ZNF556: variants seen among roughly 807,000 people sequenced by gnomAD.
The protein encoded by ZNF556 is zinc finger protein 556.
Under a neutral mutation model 13.6 loss-of-function variants are expected in ZNF556, and 11 were observed. The ratio of observed to expected loss-of-function variants is 0.81; its 90% confidence interval spans 0.51 to 1.33. ZNF556 has a LOEUF of 1.33. Ranked by LOEUF, ZNF556 falls within the 40% of genes most tolerant of loss-of-function variation. The probability of loss-of-function intolerance (pLI) is 0.00; values close to 1 mark genes in which losing one functional copy is unlikely to be tolerated. For missense variants in ZNF556, 633 were observed against 566.2 expected, an observed-to-expected ratio of 1.12 and a Z score of -1.20; for synonymous variants, 229 against 207.8, an observed-to-expected ratio of 1.10 and a Z score of -0.88.
chr19:2,878,999 AG>A lies in ZNF556; in HGVS notation c.*671del, dbSNP rs2087884865. ...TTTTGTTACTCCGTGTGAGGCCATT[AG>A]ACCAATGAAATATGGGTGTTTGTTG... On this transcript the variant is annotated 3_prime_UTR_variant, in exon 4 of 4. Coordinates refer to ENST00000307635, the MANE Select transcript of ZNF556 (RefSeq NM_024967.3). The A allele has an allele frequency of 6.6e-6, 1 of 152,200 alleles. No individual in the cohort carries two copies. Among genetic ancestry groups the A allele is most frequent in the African/African-American group, 2.4e-5 (1 of 41,444 alleles). The allele number at this position is 152,200 out of a possible 1,614,324, so 9.4% of individuals were successfully genotyped here.
intron 1 of ZNF556, among the ~76,000 whole-genome samples, chr19:2,872,647 C>T (rs1054526140): frequency 6.6e-6 from 1 of 151,912 alleles, no homozygotes; most frequent in Admixed American, 6.6e-5. Context: ...CGGTCTCTTG[C>T]CTCGGCACCT....
At position 2,877,575 on chromosome 19, in the gene ZNF556, A is replaced by T; in HGVS notation, c.617A>T (p.Gln206Leu). 1 of 1,614,208 alleles carries T rather than the reference A, an allele frequency of 6.2e-7. No homozygotes were observed. The highest frequency in any genetic ancestry group is 1.3e-5 in the African/African-American group (1 of 75,050). Residue 206 changes from glutamine (Q) to leucine (L), a missense_variant, in exon 4 of 4, where the codon CAA becomes CTA. By Grantham distance (113) the Gln-to-Leu change is moderately radical (BLOSUM62 -2). Transcript: ENST00000307635. ...THSGEKPYAC[Q>L]SCGKTFLRSH... Reference sequence around the variant, plus strand: ...AGTGGAGAGAAACCCTATGCCTGTCAATCTTGCGGGAAGACATTTCTTCGT... The same window carrying T: ...AGTGGAGAGAAACCCTATGCCTGTCTATCTTGCGGGAAGACATTTCTTCGT...
Position 2,882,531 on chromosome 19 carries a change from A to ATATAGTGTGTGTGTGTGTGTGT in ZNF556, c.*4202_*4203insTATAGTGTGTGTGTGTGTGTGT, listed in dbSNP as rs57053138. 8 of 127,722 alleles carry ATATAGTGTGTGTGTGTGTGTGT rather than the reference A, an allele frequency of 6.3e-5. No individual in the cohort carries two copies. The highest frequency in any genetic ancestry group is 2.4e-4 in the African/African-American group (8 of 32,940). The allele number at this position is 127,722 out of a possible 1,614,324, so 7.9% of individuals were successfully genotyped here. On this transcript the variant is annotated 3_prime_UTR_variant, in exon 4 of 4. Coordinates refer to ENST00000307635, the MANE Select transcript of ZNF556 (RefSeq NM_024967.3). ...ATACATTTTATATATATATATATATAGTGTGTGTGTGTGTGTGTGTGTGTG... is the reference window on the plus strand; with the variant it reads ...ATACATTTTATATATATATATATATATATAGTGTGTGTGTGTGTGTGTGTGTGTGTGTGTGTGTGTGTGTGTG...
At position 2,877,610 on chromosome 19, in the gene ZNF556, C is replaced by G. The variant is rs2087865950; in HGVS notation, c.652C>G (p.Leu218Val). ...CGKTFLRSHS[L>V]TEHVRTHTGE... ...GAAGACATTTCTTCGTTCCCACTCT[C>G]TCACTGAACATGTAAGGACTCACAC... Residue 218 changes from leucine to valine, a missense_variant, in exon 4 of 4, where the codon CTC becomes GTC. Coordinates refer to ENST00000307635, the MANE Select transcript of ZNF556 (RefSeq NM_024967.3). The G allele has an allele frequency of 6.2e-7, 1 of 1,614,096 alleles. No individual in the cohort carries two copies. Among genetic ancestry groups the G allele is most frequent in the Admixed American group, 1.7e-5 (1 of 60,002 alleles).
intron 1 of ZNF556, among the ~76,000 whole-genome samples, chr19:2,870,768 G>A (rs1450607804): frequency 2.1e-5 from 3 of 141,734 alleles, no homozygotes; most frequent in African/African-American, 7.9e-5. Context: ...GGCCGGGCGC[G>A]ATGGCTCACA....
intron 1 of ZNF556, among the ~76,000 whole-genome samples, chr19:2,868,935 T>G (rs2087779870): frequency 6.6e-6 from 1 of 152,024 alleles, no homozygotes; most frequent in Admixed American, 6.6e-5. Context: ...GCCAGGCTGG[T>G]CTCGAACTCC....
chr19:2,873,752 A>G, intron 2 of ZNF556, 130 bp downstream of exon 2: 4 of 1,124,464 alleles, frequency 3.6e-6, no homozygotes, highest in Non-Finnish European at 2.5e-6. Context: ...CTAGGAGTTG[A>G]CAACCAGCCT....
rs914866071 is a variant in ZNF556 at position 2,877,385 on chromosome 19, A to G, written c.427A>G (p.Ser143Gly). The G allele has an allele frequency of 3.7e-6, 6 of 1,614,060 alleles. No homozygotes were observed. The highest frequency in any genetic ancestry group is 5.1e-6 in the Non-Finnish European group (6 of 1,180,036). The change falls in exon 4 of 4, where the codon AGT becomes GGT. Residue 143 changes from serine to glycine, a missense_variant. Transcript: ENST00000307635. ...TCATCTGCGCAAGAATTGTTGTACT[A>G]GTGTAAGACGGTACGAATGCAGTCA... Reference protein sequence around the residue: ...NRHLRKNCCTSVRRYECSQCG... With the variant: ...NRHLRKNCCTGVRRYECSQCG...
intron 1 of ZNF556, among the ~76,000 whole-genome samples, chr19:2,868,808 T>C (rs934561083): frequency 1.3e-5 from 2 of 150,962 alleles, no homozygotes; most frequent in African/African-American, 4.9e-5. Context: ...AACCTCCGCC[T>C]CCTGGGTTCA....
At position 2,877,414 on chromosome 19, in the gene ZNF556, T is replaced by G. The variant is rs1426690449; in HGVS notation, c.456T>G (p.Cys152Trp). The G allele has an allele frequency of 2.5e-6, 4 of 1,614,166 alleles. No homozygotes were observed. Among genetic ancestry groups the G allele is most frequent in the Non-Finnish European group, 3.4e-6 (4 of 1,180,032 alleles). Residue 152 changes from cysteine to tryptophan, a missense_variant, in exon 4 of 4, where the codon TGT (cysteine) becomes TGG (tryptophan). Physicochemically the swap from Cys to Trp is radical, Grantham distance 215 (BLOSUM62 -2). Transcript: ENST00000307635. ...TAAGACGGTACGAATGCAGTCAGTG[T>G]GGAAAACTCTTCACCCATTCCTCAT... ...TSVRRYECSQCGKLFTHSSSL... is the reference protein window; with the variant it reads ...TSVRRYECSQWGKLFTHSSSL...
rs368391520 is a variant in ZNF556, at chr19:2,867,372, C to A, written c.-50C>A. The A allele has an allele frequency of 6.4e-7, 1 of 1,567,980 alleles. No homozygotes were observed. ...GTGTCCCCGTCGTGCTCACCTGCACCGGCTGCGAGGAGCAGGGAGCTCCTC... is the reference window on the plus strand; with the variant it reads ...GTGTCCCCGTCGTGCTCACCTGCACAGGCTGCGAGGAGCAGGGAGCTCCTC... On this transcript the variant is annotated 5_prime_UTR_variant, in exon 1 of 4. Coordinates refer to ENST00000307635, the MANE Select transcript of ZNF556 (RefSeq NM_024967.3).
In ZNF556 at chr19:2,878,213, C is replaced by A. The variant is rs540293953; in HGVS notation, c.1255C>A (p.Gln419Lys). The change falls in exon 4 of 4, where the codon CAG becomes AAG. Residue 419 changes from glutamine (Q) to lysine (K), a missense_variant. By Grantham distance (53) the Gln-to-Lys change is moderately conservative. Transcript: ENST00000307635. Reference sequence around the variant, plus strand: ...TTGCTCTTCCAAAAATGTAAGAACGCAGATTGGACAGAAGCCCAGTAAATG... The same window carrying A: ...TTGCTCTTCCAAAAATGTAAGAACGAAGATTGGACAGAAGCCCAGTAAATG... The part of the protein sequence containing the change: ...GLCSSKNVRT[Q>K]IGQKPSKCEK... The A allele has an allele frequency of 9.9e-6, 16 of 1,614,122 alleles. 1 individual carries two copies. In the South Asian group the frequency reaches 1.6e-4, roughly 17 times the overall value.
intron 2 of ZNF556, 24 bp downstream of exon 2, chr19:2,873,646 C>T: frequency 6.2e-7 from 1 of 1,605,048 alleles, no homozygotes; most frequent in Non-Finnish European, 8.5e-7. Context: ...TATTTCTGCA[C>T]TTAGTTATTA....
chr19:2,867,708 A>C (rs2087767500), intron 1 of ZNF556, among the ~76,000 whole-genome samples: 1 of 130,434 alleles, frequency 7.7e-6, no homozygotes, highest in South Asian at 2.7e-4. Flanking sequence ...ACTAACCCAA[A>C]GTACAAAAAA....
At chr19:2,869,469 C>G (rs746263352) in intron 1 of ZNF556, among the ~76,000 whole-genome samples, 2 of 152,090 alleles carry the variant, frequency 1.3e-5, no homozygotes, top group African/African-American at 4.8e-5. Flanking sequence ...CGGGTTCATG[C>G]CATTCTCCTG....
chr19:2,877,798 G>T lies in ZNF556; in HGVS notation c.840G>T (p.Met280Ile). The T allele has an allele frequency of 1.2e-6, 2 of 1,614,010 alleles. No individual in the cohort carries two copies. The highest frequency in any genetic ancestry group is 1.7e-6 in the Non-Finnish European group (2 of 1,180,000). Residue 280 changes from methionine to isoleucine, a missense_variant, in exon 4 of 4, where the codon ATG becomes ATT. By Grantham distance (10) the Met-to-Ile change is conservative. Coordinates refer to ENST00000307635, the MANE Select transcript of ZNF556 (RefSeq NM_024967.3). ...CQKSFRVHMI[M>I]HAGGRPYECK... ...AATCCTTTCGAGTCCATATGATCAT[G>T]CACGCCGGAGGGAGACCGTATGAGT...
chr19:2,873,359 A>G lies in ZNF556; in HGVS notation c.4-137A>G, dbSNP rs1048419512. On this transcript the variant is annotated intron_variant, in intron 1 of 3. Transcript: ENST00000307635. ...AGGAAGTGATTACAGACAGAGGGGA[A>G]GAGGTCTGAGGACTGAGTCTTAAAT... 6 of 967,724 alleles carry G rather than the reference A, an allele frequency of 6.2e-6. No individual in the cohort carries two copies. The African/African-American group carries it at 6.5e-5, about 10-fold the overall frequency. 59.9% of individuals were successfully genotyped at this position (967,724 alleles called of 1,614,324 possible).
At chr19:2,869,098 G>A (rs750293017) in intron 1 of ZNF556, among the ~76,000 whole-genome samples, 1 of 152,012 alleles carries the variant, frequency 6.6e-6, no homozygotes, top group Non-Finnish European at 1.5e-5. Flanking sequence ...GTGACTATTC[G>A]GGTATTTTCA....
intron 1 of ZNF556, 59 bp from the exon 2 acceptor site, chr19:2,873,437 G>C: frequency 6.3e-7 from 1 of 1,598,118 alleles, no homozygotes; most frequent in Non-Finnish European, 8.6e-7. Flanking sequence ...ACTGAGTTCA[G>C]TTCCGCAGTG....
Sources: gnomAD v4.1 joint callset for allele counts (sites outside exome capture counted in the v4.1 genomes callset) on GRCh38, gnomAD v4.1.1 for gene constraint, MANE v1.5 for transcripts, NCBI Gene and HGNC (gene_info 2026-07-23, HGNC 2026-07-21) for gene names.